Variants in CADPS2 observed in about 807,000 individuals in gnomAD.
CADPS2 encodes the protein calcium-dependent secretion activator 2.
Under a neutral mutation model 172.5 loss-of-function variants are expected in CADPS2, and 93 were observed. That is an observed-to-expected ratio of 0.54 (90% confidence interval 0.46 to 0.64). CADPS2 has a LOEUF of 0.64. Ranked by LOEUF, CADPS2 falls within the 30% of genes least tolerant of loss-of-function variation. The pLI is 0.00. For missense variants in CADPS2, 1,420 were observed against 1,565.9 expected, an observed-to-expected ratio of 0.91 and a Z score of 1.57; for synonymous variants, 546 against 555.2, an observed-to-expected ratio of 0.98 and a Z score of 0.23.
chr7:122,438,585 G>T, intron 16 of CADPS2, 121 bp from the exon 17 acceptor site: 1 of 1,181,840 alleles, frequency 8.5e-7, no homozygotes, highest in South Asian at 1.5e-5. Context: ...TCCTTGATCT[G>T]ACTATTATTA....
rs1824334605 is a variant in CADPS2, at chr7:122,886,197, G to C, written c.141C>G (p.Arg47=). ...TREGRRDAPG[R]AGGGGAARSV... is the part of the protein sequence containing the mutation. ...ATCTGGCCGCGCCGCCGCCGCCCGC[G>C]CGCCCCGGCGCGTCCCGCCGCCCTT... Residue 47 remains arginine, a synonymous_variant, in exon 1 of 30, where the codon CGC becomes CGG. Coordinates refer to ENST00000449022, the MANE Select transcript of CADPS2 (RefSeq NM_017954.11). 1 of 1,467,462 alleles carries C rather than the reference G, an allele frequency of 6.8e-7. No homozygotes were observed. The highest frequency in any genetic ancestry group is 8.9e-7 in the Non-Finnish European group (1 of 1,119,492). 90.9% of individuals were successfully genotyped at this position (1,467,462 alleles called of 1,614,324 possible).
intron 1 of CADPS2, among the ~76,000 whole-genome samples, chr7:122,790,036 T>TTTTG (rs1454303445): frequency 6.6e-6 from 1 of 151,100 alleles, no homozygotes; most frequent in Non-Finnish European, 1.5e-5. Context: ...GTGTTTTTTT[T>TTTTG]TTTTTTTTTT....
intron 1 of CADPS2, among the ~76,000 whole-genome samples, chr7:122,759,945 G>A (rs1288435377): frequency 1.3e-5 from 2 of 151,564 alleles, no homozygotes; most frequent in African/African-American, 4.8e-5. Flanking sequence ...AACTAATTCA[G>A]TCACAAATTT....
At position 122,631,398 on chromosome 7, in the gene CADPS2, T is replaced by G. The variant is rs748594431; in HGVS notation, c.787-2070A>C. On this transcript the variant is annotated intron_variant, in intron 3 of 29. Transcript: ENST00000449022. ...GTGTAAGTGAAATTGTTTGAGTTATTTCTAAATTTTGGTAGTTTTGTTTGT... is the reference window on the plus strand; with the variant it reads ...GTGTAAGTGAAATTGTTTGAGTTATGTCTAAATTTTGGTAGTTTTGTTTGT... Among the ~76,000 whole-genome samples, 14 of 152,272 alleles carry G rather than the reference T, an allele frequency of 9.2e-5. No individual in the cohort carries two copies. In the South Asian group the frequency reaches 1.2e-3, roughly 14 times the overall value.
chr7:122,445,814 C>T (rs1222070928), intron 15 of CADPS2, among the ~76,000 whole-genome samples: 2 of 152,028 alleles, frequency 1.3e-5, no homozygotes, highest in African/African-American at 4.8e-5. Flanking sequence ...AGAGTAAGAA[C>T]CTGTCTCAAA....
chr7:122,614,951 T>C (rs1379051140), intron 6 of CADPS2, among the ~76,000 whole-genome samples: 1 of 152,236 alleles, frequency 6.6e-6, no homozygotes, highest in East Asian at 1.9e-4. Context: ...GCTTTGCATT[T>C]GCATGTTGGA....
At chr7:122,846,982 G>A (rs1046465809) in intron 1 of CADPS2, among the ~76,000 whole-genome samples, 9 of 152,196 alleles carry the variant, frequency 5.9e-5, no homozygotes, top group African/African-American at 1.9e-4. Flanking sequence ...CCAGGAACAT[G>A]CATTTTAAAG....
intron 17 of CADPS2, among the ~76,000 whole-genome samples, chr7:122,429,880 G>GTT (rs34791066): frequency 6.8e-6 from 1 of 146,858 alleles, no homozygotes. Flanking sequence ...AAACTGTGCA[G>GTT]TTTTTTTTTT....
At chr7:122,714,451 A>T (rs1016521038) in intron 2 of CADPS2, among the ~76,000 whole-genome samples, 2 of 152,064 alleles carry the variant, frequency 1.3e-5, no homozygotes, top group African/African-American at 2.4e-5. Context: ...TTGGTAAACA[A>T]CTTCTTTTAA....
intron 2 of CADPS2, among the ~76,000 whole-genome samples, chr7:122,680,123 C>A (rs2082864856): frequency 6.6e-6 from 1 of 152,146 alleles, no homozygotes; most frequent in Admixed American, 6.5e-5. Context: ...TGGTTAATTA[C>A]CTTTCTTGGC....
intron 10 of CADPS2, 88 bp from the exon 11 acceptor site, chr7:122,490,369 T>C (rs2058176459): frequency 2.1e-6 from 2 of 972,028 alleles, no homozygotes; most frequent in East Asian, 2.4e-5. Flanking sequence ...TGGAAAAGAA[T>C]GGCTTTGATA....
intron 2 of CADPS2, among the ~76,000 whole-genome samples, chr7:122,691,393 T>C (rs1222117706): frequency 6.6e-6 from 1 of 152,240 alleles, no homozygotes; most frequent in African/African-American, 2.4e-5. Context: ...AAGGTCTCCA[T>C]GCACTGCTAT....
chr7:122,496,569 G>A (rs2130115676), intron 9 of CADPS2, among the ~76,000 whole-genome samples: 1 of 152,088 alleles, frequency 6.6e-6, no homozygotes, highest in Non-Finnish European at 1.5e-5. Flanking sequence ...CTCACAAGTA[G>A]CATTTTTATG....
chr7:122,705,726 C>A (rs796896358), intron 2 of CADPS2, among the ~76,000 whole-genome samples: 7 of 5,572 alleles, frequency 1.3e-3, no homozygotes, highest in Non-Finnish European at 3.1e-3. Flanking sequence ...TATAATATAT[C>A]ATATATTATA....
chr7:122,460,734 G>C (rs1311133863), intron 14 of CADPS2, among the ~76,000 whole-genome samples: 1 of 152,004 alleles, frequency 6.6e-6, no homozygotes, highest in Non-Finnish European at 1.5e-5. Flanking sequence ...ACAAAAAATG[G>C]AATCAAACCA....
At chr7:122,651,057 A>G (rs2192024) in intron 3 of CADPS2, among the ~76,000 whole-genome samples, 78,363 of 151,696 alleles carry the variant, frequency 0.52, 20,508 homozygotes, top group East Asian at 0.72. Flanking sequence ...TTGAGATTTT[A>G]AATTATATAT....
intron 1 of CADPS2, among the ~76,000 whole-genome samples, chr7:122,797,801 C>T (rs1388548970): frequency 6.6e-6 from 1 of 152,074 alleles, no homozygotes; most frequent in Non-Finnish European, 1.5e-5. Flanking sequence ...ATAATCTGTA[C>T]AACAAACCTC....
chr7:122,863,600 A>G (rs1457797580), intron 1 of CADPS2, among the ~76,000 whole-genome samples: 3 of 152,240 alleles, frequency 2.0e-5, no homozygotes, highest in African/African-American at 7.2e-5. Context: ...GAGAAGAAAA[A>G]TAAAGTTAAA....
chr7:122,641,593 T>G (rs1464784636), intron 3 of CADPS2, among the ~76,000 whole-genome samples: 1 of 152,174 alleles, frequency 6.6e-6, no homozygotes, highest in Non-Finnish European at 1.5e-5. Flanking sequence ...ATTATTTCAT[T>G]CTAGGAAAGG....
Sources: allele counts gnomAD v4.1 joint callset (sites outside exome capture counted in the v4.1 genomes callset), GRCh38; gene constraint gnomAD v4.1.1; transcripts MANE v1.5; gene names NCBI Gene and HGNC (gene_info 2026-07-23, HGNC 2026-07-21).